Variants in METAP1D observed in about 807,000 individuals in gnomAD.
METAP1D encodes methionyl aminopeptidase type 1D, mitochondrial, also known as methionine aminopeptidase 1D, mitochondrial.
Under a neutral mutation model 40.5 loss-of-function variants are expected in METAP1D, and 31 were observed. The ratio of observed to expected loss-of-function variants is 0.77; its 90% CI spans 0.58 to 1.03. The LOEUF (loss-of-function observed/expected upper bound fraction) is 1.03. Ranked by LOEUF, METAP1D falls within the 50% of genes least tolerant of loss-of-function variation. The probability of loss-of-function intolerance (pLI) is 0.00; values close to 1 mark genes in which losing one functional copy is unlikely to be tolerated. For missense variants in METAP1D, 411 were observed against 420.7 expected (o/e 0.98, Z 0.20); for synonymous variants, 151 against 146.4 (o/e 1.03, Z -0.22).
At chr2:172,056,388 C>T (rs1690002871) in intron 1 of METAP1D, among the ~76,000 whole-genome samples, 1 of 152,218 alleles carries the variant, frequency 6.6e-6, no homozygotes. Context: ...TAGCTCTTAG[C>T]AGGACCAGGG....
intron 1 of METAP1D, among the ~76,000 whole-genome samples, chr2:172,030,101 T>TATTTATTTATTTATTTATTTA (rs1559000792): frequency 6.7e-6 from 1 of 149,996 alleles, no homozygotes; most frequent in Non-Finnish European, 1.5e-5. Flanking sequence ...TTTATTTATT[T>TATTTATTTATTTATTTATTTA]TTTTTGAGGC....
At chr2:172,016,454 CA>C (rs572442375) in intron 1 of METAP1D, among the ~76,000 whole-genome samples, 165 of 145,878 alleles carry the variant, frequency 1.1e-3, no homozygotes, top group Non-Finnish European at 1.7e-3. Context: ...CCTGTCTCTA[CA>C]AAAAAAAATA....
intron 1 of METAP1D, 139 bp from the exon 2 acceptor site, chr2:172,061,359 C>G: frequency 1.5e-6 from 1 of 670,540 alleles, no homozygotes; most frequent in Non-Finnish European, 2.4e-6. Flanking sequence ...CCACTGTTTT[C>G]ATTTCTATTT....
At chr2:172,065,027 A>G (rs1235381274) in intron 3 of METAP1D, among the ~76,000 whole-genome samples, 3 of 152,206 alleles carry the variant, frequency 2.0e-5, no homozygotes, top group African/African-American at 7.2e-5. Flanking sequence ...TTTAAAAATT[A>G]CATTTATTTA....
intron 1 of METAP1D, among the ~76,000 whole-genome samples, chr2:172,023,048 C>G (rs1007666729): frequency 6.6e-6 from 1 of 152,068 alleles, no homozygotes; most frequent in Non-Finnish European, 1.5e-5. Context: ...ATTAGCTGGG[C>G]GTGGTGGCAC....
At chr2:172,069,694 G>A (rs1054102942) in intron 5 of METAP1D, among the ~76,000 whole-genome samples, 1 of 152,146 alleles carries the variant, frequency 6.6e-6, no homozygotes, top group Admixed American at 6.5e-5. Context: ...CTGTTGCAAG[G>A]TAATTAAGAT....
chr2:172,037,265 G>GT (rs1375907967), intron 1 of METAP1D, among the ~76,000 whole-genome samples: 1 of 149,096 alleles, frequency 6.7e-6, no homozygotes, highest in Non-Finnish European at 1.5e-5. Flanking sequence ...TCCATCTCAA[G>GT]AAAAAAAAAA....
At chr2:172,013,602 A>G (rs1431610177) in intron 1 of METAP1D, among the ~76,000 whole-genome samples, 4 of 152,144 alleles carry the variant, frequency 2.6e-5, no homozygotes, top group Non-Finnish European at 5.9e-5. Context: ...AGGCAAGGAC[A>G]TAAAGGGGCT....
At chr2:172,002,479 G>A (rs909537076) in intron 1 of METAP1D, among the ~76,000 whole-genome samples, 5 of 152,048 alleles carry the variant, frequency 3.3e-5, no homozygotes, top group Non-Finnish European at 2.9e-5. Context: ...ACAGTCTTGA[G>A]AAAATATATT....
At chr2:172,002,806 A>G (rs1173082163) in intron 1 of METAP1D, among the ~76,000 whole-genome samples, 3 of 152,160 alleles carry the variant, frequency 2.0e-5, no homozygotes, top group Non-Finnish European at 4.4e-5. Flanking sequence ...GTCTTCATGT[A>G]CCAGGATTTA....
intron 1 of METAP1D, among the ~76,000 whole-genome samples, chr2:172,001,817 G>A (rs1172539445): frequency 6.6e-6 from 1 of 152,034 alleles, no homozygotes; most frequent in Admixed American, 6.6e-5. Flanking sequence ...GCCAGGCCTG[G>A]CAAGGTGGCT....
In METAP1D at chr2:172,048,537, C is replaced by T. The variant is rs1344507652; in HGVS notation, c.41-12961C>T. 4.6e-5 allele frequency among the ~76,000 whole-genome samples: 7 copies of T among 152,276 alleles called. No individual in the cohort carries two copies. The East Asian group carries it at 1.3e-3, about 29-fold the overall frequency. On this transcript the variant is annotated intron_variant, in intron 1 of 9. Transcript: ENST00000315796. ...GAAGGAAAACCAATTTAAACAAGAG[C>T]TCAAGTGAATATAAATAGGAAGGCA... is the stretch of plus-strand genomic sequence containing the variant.
At chr2:172,012,882 G>A (rs553870737) in intron 1 of METAP1D, among the ~76,000 whole-genome samples, 1 of 152,124 alleles carries the variant, frequency 6.6e-6, no homozygotes, top group South Asian at 2.1e-4. Flanking sequence ...ATCTCCCAGT[G>A]TTCACTGAAT....
At chr2:172,060,592 A>T (rs751161892) in intron 1 of METAP1D, among the ~76,000 whole-genome samples, 2 of 152,186 alleles carry the variant, frequency 1.3e-5, no homozygotes, top group Non-Finnish European at 2.9e-5. Context: ...TTTGTTAAGC[A>T]TTCACTTTTT....
chr2:172,037,162 T>C (rs1689414178), intron 1 of METAP1D, among the ~76,000 whole-genome samples: 1 of 152,000 alleles, frequency 6.6e-6, no homozygotes, highest in Non-Finnish European at 1.5e-5. Flanking sequence ...CTTGGGAGGC[T>C]GAGACAGGAG....
intron 3 of METAP1D, 154 bp downstream of exon 3, chr2:172,064,014 G>A (rs1354137532): frequency 1.1e-6 from 1 of 918,596 alleles, no homozygotes; most frequent in Non-Finnish European, 1.5e-6. Context: ...ATTAAGTAAA[G>A]CCTTGGGATG....
intron 1 of METAP1D, among the ~76,000 whole-genome samples, chr2:172,005,271 T>C (rs1688551767): frequency 6.6e-6 from 1 of 151,964 alleles, no homozygotes; most frequent in Non-Finnish European, 1.5e-5. Flanking sequence ...ACCCAAGCAG[T>C]GTACATTGTA....
At chr2:172,048,589 G>A (rs1250802290) in intron 1 of METAP1D, among the ~76,000 whole-genome samples, 1 of 152,132 alleles carries the variant, frequency 6.6e-6, no homozygotes, top group African/African-American at 2.4e-5. Context: ...TTCTCATGGT[G>A]CATTCACAAG....
At chr2:172,040,907 C>T (rs1446946433) in intron 1 of METAP1D, among the ~76,000 whole-genome samples, 2 of 151,702 alleles carry the variant, frequency 1.3e-5, no homozygotes, top group Non-Finnish European at 2.9e-5. Flanking sequence ...CCACCACGCC[C>T]GGCTAACTTG....
Sources: allele counts gnomAD v4.1 joint callset (sites outside exome capture counted in the v4.1 genomes callset), GRCh38; gene constraint gnomAD v4.1.1; transcripts MANE v1.5; gene names NCBI Gene and HGNC (gene_info 2026-07-23, HGNC 2026-07-21).